Variants in CNOT2 observed in about 807,000 individuals in gnomAD.
The protein encoded by CNOT2 is CCR4-NOT transcription complex subunit 2.
Under a neutral mutation model 72.1 loss-of-function variants are expected in CNOT2, and 7 were observed. The ratio of observed to expected loss-of-function variants is 0.10; its 90% confidence interval spans 0.06 to 0.18. The LOEUF is 0.18. Ranked by LOEUF, CNOT2 falls within the 10% of genes least tolerant of loss-of-function variation. CNOT2 has a pLI of 1.00. For missense variants in CNOT2, 345 were observed against 660.3 expected (o/e 0.52, Z 5.23); for synonymous variants, 196 against 225.6 (o/e 0.87, Z 1.17).
chr12:70,270,412 T>C (rs1214287751), intron 1 of CNOT2, among the ~76,000 whole-genome samples: 3 of 152,120 alleles, frequency 2.0e-5, no homozygotes, highest in East Asian at 1.9e-4. Context: ...ACAACACATA[T>C]TGAGGTTAAA....
intron 2 of CNOT2, among the ~76,000 whole-genome samples, chr12:70,305,965 T>C (rs1875290343): frequency 6.7e-6 from 1 of 148,598 alleles, no homozygotes; most frequent in African/African-American, 2.5e-5. Context: ...GTTGAGAATG[T>C]CATGCCTTAG....
chr12:70,331,730 G>T (rs941158808), intron 6 of CNOT2: 1 of 151,654 alleles, frequency 6.6e-6, no homozygotes, highest in Admixed American at 6.6e-5. Flanking sequence ...AGTGTTTGTT[G>T]TTTTGTCAGC....
chr12:70,345,450 A>G lies in CNOT2; in HGVS notation c.1392-730A>G, dbSNP rs545528933. On this transcript the variant is annotated intron_variant, in intron 14 of 15. Coordinates refer to ENST00000229195, the MANE Select transcript of CNOT2 (RefSeq NM_014515.7). The stretch of plus-strand genomic sequence containing the variant: ...AGGCACTCATTCATCTATCACTGGC[A>G]GTTCTGTTTTCATATTTTATTTATG... The G allele has an allele frequency of 2.6e-5, 4 of 152,256 alleles. No individual in the cohort carries two copies. In the South Asian group the frequency reaches 8.3e-4, roughly 32 times the overall value. 9.4% of individuals were successfully genotyped at this position (152,256 alleles called of 1,614,324 possible).
intron 4 of CNOT2, among the ~76,000 whole-genome samples, chr12:70,324,941 G>C (rs1004404593): frequency 2.6e-5 from 4 of 151,714 alleles, no homozygotes; most frequent in African/African-American, 7.3e-5. Context: ...ACTATCTTCT[G>C]TCTCCTCCAG....
At chr12:70,277,463 G>T (rs61929913) in intron 1 of CNOT2, among the ~76,000 whole-genome samples, 1 of 151,560 alleles carries the variant, frequency 6.6e-6, no homozygotes, top group Non-Finnish European at 1.5e-5. Flanking sequence ...TTATTTTTTC[G>T]CCCAATGTAA....
intron 2 of CNOT2, among the ~76,000 whole-genome samples, chr12:70,306,175 C>T (rs1289272157): frequency 2.0e-5 from 3 of 151,988 alleles, no homozygotes; most frequent in African/African-American, 4.8e-5. Context: ...TATTTTAAGA[C>T]GTAGTCTCGT....
chr12:70,297,855 G>T (rs998109670), intron 2 of CNOT2: 2 of 242,888 alleles, frequency 8.2e-6, no homozygotes, highest in South Asian at 3.5e-5. Flanking sequence ...CTCCTGCCTC[G>T]GCCTCCAAGT....
chr12:70,284,694 C>T (rs558036623), intron 2 of CNOT2, among the ~76,000 whole-genome samples: 81 of 151,472 alleles, frequency 5.3e-4, no homozygotes, highest in African/African-American at 1.8e-3. Context: ...GGCTCATTGC[C>T]GTGTGATGCT....
At chr12:70,252,752 T>G (rs1958208947) in intron 1 of CNOT2, among the ~76,000 whole-genome samples, 1 of 152,152 alleles carries the variant, frequency 6.6e-6, no homozygotes, top group Non-Finnish European at 1.5e-5. Flanking sequence ...TTTTCTCATT[T>G]GAAAAATGTA....
At chr12:70,271,670 A>G (rs1959251832) in intron 1 of CNOT2, among the ~76,000 whole-genome samples, 1 of 151,992 alleles carries the variant, frequency 6.6e-6, no homozygotes, top group Non-Finnish European at 1.5e-5. Flanking sequence ...ACTGTGCCCG[A>G]CCAGCATTTA....
chr12:70,294,618 C>CT (rs1165068167), intron 2 of CNOT2, among the ~76,000 whole-genome samples: 1 of 151,664 alleles, frequency 6.6e-6, no homozygotes, highest in African/African-American at 2.4e-5. Flanking sequence ...AAAAAAGAAG[C>CT]TAAAAAAAAA....
chr12:70,338,972 T>TCA, intron 11 of CNOT2, 150 bp downstream of exon 11: 1 of 679,462 alleles, frequency 1.5e-6, no homozygotes, highest in Non-Finnish European at 2.4e-6. Flanking sequence ...AGCTCTTAGA[T>TCA]CACTGTCACT....
Position 70,319,280 on chromosome 12 carries a change from T to C in CNOT2, c.172-18T>C. The C allele has an allele frequency of 6.2e-7, 1 of 1,607,130 alleles. No homozygotes were observed. On this transcript the variant is annotated intron_variant, in intron 3 of 15. Transcript: ENST00000229195. ...GCTCTGTTTTCTTTATGCTCTAATA[T>C]AATTAATTTGTTTCTAGATGCTGGC...
chr12:70,282,815 G>T (rs1870100246), intron 2 of CNOT2, among the ~76,000 whole-genome samples: 1 of 151,764 alleles, frequency 6.6e-6, no homozygotes. Context: ...GTATTGTGTG[G>T]CAATTTTTTG....
intron 2 of CNOT2, among the ~76,000 whole-genome samples, chr12:70,288,136 CT>C (rs68143994): frequency 0.14 from 11,995 of 86,354 alleles, 171 homozygotes; most frequent in South Asian, 0.19. Flanking sequence ...TGGTGTAGCT[CT>C]TTTTTTTTTT....
intron 15 of CNOT2, among the ~76,000 whole-genome samples, 170 bp from the exon 16 acceptor site, chr12:70,353,659 A>G (rs1350643097): frequency 6.6e-6 from 1 of 152,050 alleles, no homozygotes; most frequent in Non-Finnish European, 1.5e-5. Flanking sequence ...ACTACAGCAC[A>G]TTATTTTTCT....
chr12:70,308,888 A>C (rs1875955150), intron 2 of CNOT2, among the ~76,000 whole-genome samples: 1 of 152,092 alleles, frequency 6.6e-6, no homozygotes, highest in African/African-American at 2.4e-5. Context: ...TATTCACCTG[A>C]AACTTTATTG....
At chr12:70,300,316 T>C (rs964118262) in intron 2 of CNOT2, among the ~76,000 whole-genome samples, 2 of 152,218 alleles carry the variant, frequency 1.3e-5, no homozygotes, top group Non-Finnish European at 2.9e-5. Flanking sequence ...CTGAATGGTA[T>C]TGCCTAGGTT....
chr12:70,351,681 G>A (rs1170319153), intron 15 of CNOT2, among the ~76,000 whole-genome samples: 1 of 152,100 alleles, frequency 6.6e-6, no homozygotes, highest in Non-Finnish European at 1.5e-5. Flanking sequence ...TTACCACTTT[G>A]TGGAAGTTAC....
Sources: gnomAD v4.1 joint callset for allele counts (sites outside exome capture counted in the v4.1 genomes callset) on GRCh38, gnomAD v4.1.1 for gene constraint, MANE v1.5 for transcripts, NCBI Gene and HGNC (gene_info 2026-07-23, HGNC 2026-07-21) for gene names.